MRTFA: variants seen among roughly 807,000 people sequenced by gnomAD.
MRTFA encodes myocardin-related transcription factor A.
In MRTFA, 20 loss-of-function variants were observed where a neutral mutation model predicts 83.5. The ratio of observed to expected loss-of-function variants is 0.24; its 90% CI spans 0.17 to 0.35. The LOEUF is 0.35. MRTFA is among the 10% of genes least tolerant of loss of function. The pLI, the probability that MRTFA is intolerant of heterozygous loss-of-function variation, is 1.00. For missense variants in MRTFA, 1,200 were observed against 1,224.7 expected (o/e 0.98, Z 0.30); for synonymous variants, 659 against 541.2 (o/e 1.22, Z -3.02).
In MRTFA at chr22:40,597,655, C is replaced by A. The variant is rs888873682; in HGVS notation, c.-83-2920G>T. Among the ~76,000 whole-genome samples, 4 of 152,134 alleles carry A rather than the reference C, an allele frequency of 2.6e-5. No individual in the cohort carries two copies. The East Asian group carries it at 7.7e-4, about 29-fold the overall frequency. On this transcript the variant is annotated intron_variant, in intron 1 of 14. Coordinates refer to ENST00000355630, the MANE Select transcript of MRTFA (RefSeq NM_020831.6). ...AAGTAAAACAGCAGCCTTTTCTCTG[C>A]CGAAAGCAGAGGGTAGTAGAGCGCC... is the stretch of plus-strand genomic sequence containing the variant.
chr22:40,453,231 A>G (rs1203753046), intron 4 of MRTFA, among the ~76,000 whole-genome samples: 1 of 152,234 alleles, frequency 6.6e-6, no homozygotes, highest in Non-Finnish European at 1.5e-5. Flanking sequence ...TAGGGATTCA[A>G]CTACAATTAC....
intron 1 of MRTFA, among the ~76,000 whole-genome samples, chr22:40,624,224 G>A (rs890301774): frequency 2.0e-5 from 3 of 152,122 alleles, no homozygotes; most frequent in African/African-American, 7.2e-5. Flanking sequence ...AGGAATTCAA[G>A]ATAAGCCTGG....
At chr22:40,619,916 A>C (rs540787220) in intron 1 of MRTFA, among the ~76,000 whole-genome samples, 1 of 150,120 alleles carries the variant, frequency 6.7e-6, no homozygotes, top group Non-Finnish European at 1.5e-5. Context: ...AAAAGAAATC[A>C]GTACTTGATG....
chr22:40,504,845 C>G (rs1338597832), intron 3 of MRTFA, among the ~76,000 whole-genome samples: 2 of 152,168 alleles, frequency 1.3e-5, no homozygotes. Context: ...CCCGCCACCC[C>G]TTCATGTCCA....
rs1032026356 is a variant in MRTFA at position 40,416,282 on chromosome 22, C to G, written c.2578+704G>C. ...CAAATGGGGCTGATTCCAGCCGCTC[C>G]TCTGCCCGCCACTGCTGCCTGCTGG... On this transcript the variant is annotated intron_variant, in intron 14 of 14. Coordinates refer to ENST00000355630, the MANE Select transcript of MRTFA (RefSeq NM_020831.6). This position sits in a 1 kb window ranked among gnomAD's most constrained non-coding sequence, Gnocchi z 4.2. Among the ~76,000 whole-genome samples, 3 of 152,214 alleles carry G rather than the reference C, an allele frequency of 2.0e-5. No homozygotes were observed. Among genetic ancestry groups the G allele is most frequent in the South Asian group, 2.1e-4 (1 of 4,834 alleles).
At chr22:40,461,986 CT>C (rs972642804) in intron 4 of MRTFA, among the ~76,000 whole-genome samples, 14 of 152,310 alleles carry the variant, frequency 9.2e-5, no homozygotes, top group African/African-American at 2.6e-4. Context: ...GGCCCAGACA[CT>C]TGCTTTTTCT....
chr22:40,508,069 G>A (rs919594844), intron 3 of MRTFA, among the ~76,000 whole-genome samples: 1 of 150,412 alleles, frequency 6.6e-6, no homozygotes, highest in Non-Finnish European at 1.5e-5. Context: ...GATTAGCACA[G>A]TGGCTTCTAG....
chr22:40,458,552 C>G (rs2053637002), intron 4 of MRTFA, among the ~76,000 whole-genome samples: 1 of 152,162 alleles, frequency 6.6e-6, no homozygotes, highest in Non-Finnish European at 1.5e-5. Flanking sequence ...TCAGGACTGA[C>G]AGCCAGTCCT....
chr22:40,454,149 G>A (rs1266171115), intron 4 of MRTFA, among the ~76,000 whole-genome samples: 1 of 152,174 alleles, frequency 6.6e-6, no homozygotes, highest in Admixed American at 6.5e-5. Flanking sequence ...GGGTGGGGGT[G>A]TGAGGGAGGC....
chr22:40,599,057 G>T (rs1403738014), intron 1 of MRTFA, among the ~76,000 whole-genome samples: 1 of 151,206 alleles, frequency 6.6e-6, no homozygotes, highest in Non-Finnish European at 1.5e-5. Context: ...CAGAACCTTG[G>T]GGGGCCGGGG....
intron 1 of MRTFA, among the ~76,000 whole-genome samples, chr22:40,601,446 C>T (rs542377874): frequency 3.9e-5 from 6 of 152,186 alleles, no homozygotes; most frequent in East Asian, 1.9e-4. Context: ...TAGCTTCAAG[C>T]GATCCTCCTG....
chr22:40,455,591 A>G (rs912009876), intron 4 of MRTFA, among the ~76,000 whole-genome samples: 4 of 148,598 alleles, frequency 2.7e-5, no homozygotes, highest in African/African-American at 1.0e-4. Flanking sequence ...GCTTGCAGTG[A>G]GCCGAGATCG....
At chr22:40,506,296 T>C (rs2054579972) in intron 3 of MRTFA, among the ~76,000 whole-genome samples, 2 of 152,206 alleles carry the variant, frequency 1.3e-5, no homozygotes, top group Non-Finnish European at 2.9e-5. Flanking sequence ...TAAAATATAG[T>C]ATATAAAATA....
At chr22:40,477,820 G>T (rs2054023440) in intron 3 of MRTFA, among the ~76,000 whole-genome samples, 1 of 151,792 alleles carries the variant, frequency 6.6e-6, no homozygotes, top group South Asian at 2.1e-4. Context: ...GGGAAGGAGA[G>T]GAGGGAAAGG....
intron 3 of MRTFA, among the ~76,000 whole-genome samples, chr22:40,496,952 G>C (rs1049740118): frequency 3.9e-5 from 6 of 152,146 alleles, no homozygotes; most frequent in African/African-American, 1.4e-4. Context: ...GGTTCTCTAA[G>C]ATTTATGGTG....
chr22:40,442,957 G>C (rs2053305844), intron 4 of MRTFA, among the ~76,000 whole-genome samples: 1 of 152,130 alleles, frequency 6.6e-6, no homozygotes, highest in Non-Finnish European at 1.5e-5. Context: ...ACTCCATTAA[G>C]AACTTTAATG....
At chr22:40,539,905 CTTTTTTT>C (rs367760561) in intron 3 of MRTFA, among the ~76,000 whole-genome samples, 33 of 127,344 alleles carry the variant, frequency 2.6e-4, no homozygotes, top group African/African-American at 7.5e-4. Flanking sequence ...TCACGGTTAT[CTTTTTTT>C]TTTTTTTTTT....
intron 12 of MRTFA, among the ~76,000 whole-genome samples, chr22:40,418,144 T>C (rs1203859546): frequency 7.2e-5 from 11 of 152,154 alleles, no homozygotes; most frequent in Non-Finnish European, 1.5e-5. Flanking sequence ...TGTTCTAGTC[T>C]CAACAGCCAG....
intron 7 of MRTFA, among the ~76,000 whole-genome samples, chr22:40,425,297 T>C (rs1273965256): frequency 2.0e-5 from 3 of 152,224 alleles, no homozygotes; most frequent in Admixed American, 1.3e-4. Flanking sequence ...AACACTGTCG[T>C]GGGAAGAGGT....
Sources: allele counts gnomAD v4.1 joint callset (sites outside exome capture counted in the v4.1 genomes callset), GRCh38; gene constraint gnomAD v4.1.1; non-coding constraint Gnocchi (gnomAD v3.1); transcripts MANE v1.5; gene names NCBI Gene and HGNC (gene_info 2026-07-23, HGNC 2026-07-21).